Variants in SPTBN1 observed in about 807,000 individuals in gnomAD.
The protein encoded by SPTBN1 is spectrin beta chain, non-erythrocytic 1.
SPTBN1 carries 32 observed loss-of-function variants against 266.4 expected under a neutral mutation model. The observed-to-expected ratio is 0.12, with a 90% CI of 0.09 to 0.16. SPTBN1 has a LOEUF of 0.16. Ranked by LOEUF, SPTBN1 falls within the 10% of genes least tolerant of loss-of-function variation. SPTBN1 has a pLI of 1.00. For synonymous variants in SPTBN1, 1,336 were observed against 1,162.2 expected (o/e 1.15, Z -3.04); for missense variants, 2,296 against 3,067.1 (o/e 0.75, Z 5.94).
intron 1 of SPTBN1, among the ~76,000 whole-genome samples, chr2:54,474,270 A>G (rs1183449697): frequency 1.3e-5 from 2 of 152,200 alleles, no homozygotes; most frequent in Non-Finnish European, 2.9e-5. Flanking sequence ...TAACATTACT[A>G]TGATTTTTTT....
In SPTBN1 at chr2:54,624,848, T is replaced by C; in HGVS notation, c.1227T>C (p.Ala409=). The C allele has an allele frequency of 6.2e-7, 1 of 1,614,158 alleles. No homozygotes were observed. The highest frequency in any genetic ancestry group is 8.5e-7 in the Non-Finnish European group (1 of 1,180,030). ...LEKAEHEREL[A]LRNELIRQEK... ...AAGCGGAACACGAAAGAGAACTGGC[T>C]TTGCGGAATGAGCTCATAAGACAGG... Residue 409 remains alanine (A), a synonymous_variant, in exon 11 of 36, where the codon GCT becomes GCC. Transcript: ENST00000356805.
chr2:54,665,009 G>A lies in SPTBN1; in HGVS notation c.6659+318G>A, dbSNP rs372731514. Among the ~76,000 whole-genome samples, 4 of 152,290 alleles carry A rather than the reference G, an allele frequency of 2.6e-5. No individual in the cohort carries two copies. In the East Asian group the frequency reaches 7.7e-4, roughly 29 times the overall value. On this transcript the variant is annotated intron_variant, in intron 33 of 35. Coordinates refer to ENST00000356805, the MANE Select transcript of SPTBN1 (RefSeq NM_003128.3). The stretch of plus-strand genomic sequence containing the variant: ...TGATTGATTTCATTTAGGACTCCTT[G>A]TGGGTTTTTTGTAAAAAGCCATTAA...
chr2:54,495,663 T>G (rs901020416), intron 1 of SPTBN1, among the ~76,000 whole-genome samples: 7 of 152,160 alleles, frequency 4.6e-5, no homozygotes, highest in African/African-American at 1.7e-4. Context: ...ATTAGAATCA[T>G]AATTTGCATG....
chr2:54,623,773 G>C (rs1380618507), intron 10 of SPTBN1, among the ~76,000 whole-genome samples, 177 bp downstream of exon 10: 1 of 152,180 alleles, frequency 6.6e-6, no homozygotes, highest in African/African-American at 2.4e-5. Flanking sequence ...ATGGTACCGG[G>C]TTAGGCTGCT....
At position 54,496,536 on chromosome 2, in the gene SPTBN1, G is replaced by T. The variant is rs1668981362; in HGVS notation, c.-47-29836G>T. Among the ~76,000 whole-genome samples, 5 of 150,496 alleles carry T rather than the reference G, an allele frequency of 3.3e-5. No homozygotes were observed. The South Asian group carries it at 1.1e-3, about 32-fold the overall frequency. ...ACATATTATTAGAAGCATTTCACAT[G>T]TATTAACTTATTTAGTCATCAAAAC... On this transcript the variant is annotated intron_variant, in intron 1 of 35. Coordinates refer to ENST00000356805, the MANE Select transcript of SPTBN1 (RefSeq NM_003128.3).
At position 54,629,042 on chromosome 2, in the gene SPTBN1, G is replaced by A; in HGVS notation, c.1908G>A (p.Glu636=). The change falls in exon 14 of 36, where the codon GAG becomes GAA. Residue 636 remains glutamate (E), a synonymous_variant. Transcript: ENST00000356805. ...CTGAGCGCAGGGCCCGTCTGGAAGA[G>A]TCCCGCCGCCTCTGGAAGTTCTTCT... ...LAAERRARLE[E]SRRLWKFFWE... The A allele has an allele frequency of 6.2e-7, 1 of 1,613,670 alleles. No homozygotes were observed. The highest frequency in any genetic ancestry group is 1.1e-5 in the South Asian group (1 of 91,088).
rs547305180 is a variant in SPTBN1 at position 54,508,684 on chromosome 2, T to G, written c.-47-17688T>G. ...ATGGGTGGAAGTTTCAGCGAGGGAG[T>G]AGGTGGGAGTGGCCAGATGAGAAGG... On this transcript the variant is annotated intron_variant, in intron 1 of 35. Coordinates refer to ENST00000356805, the MANE Select transcript of SPTBN1 (RefSeq NM_003128.3). Among the ~76,000 whole-genome samples, 17 of 151,512 alleles carry G rather than the reference T, an allele frequency of 1.1e-4. No individual in the cohort carries two copies. In the South Asian group the frequency reaches 3.6e-3, roughly 32 times the overall value.
intron 2 of SPTBN1, among the ~76,000 whole-genome samples, chr2:54,562,968 T>G (rs1673418758): frequency 6.6e-6 from 1 of 152,192 alleles, no homozygotes; most frequent in East Asian, 1.9e-4. Flanking sequence ...GTGCTTACCA[T>G]GTACCAGTCA....
rs1433073794 is a variant in SPTBN1 at position 54,465,637 on chromosome 2, C to CATATATATATATATATATATATATATATA, written c.-48+9119_-48+9120insATATATATATATATATATATATATATATA. Among the ~76,000 whole-genome samples the CATATATATATATATATATATATATATATA allele has an allele frequency of 6.7e-5, 6 of 89,724 alleles. 1 individual carries two copies. Among genetic ancestry groups the CATATATATATATATATATATATATATATA allele is most frequent in the Admixed American group, 1.4e-4 (1 of 7,210 alleles). 58.9% of individuals were successfully genotyped at this position (89,724 alleles called of 152,430 possible). On this transcript the variant is annotated intron_variant, in intron 1 of 35. Transcript: ENST00000356805. ...TATGATGCATACATATCATGTTTAT[C>CATATATATATATATATATATATATATATA]TCATATATATATATATATATATATA...
intron 2 of SPTBN1, among the ~76,000 whole-genome samples, chr2:54,578,951 A>G (rs1200169135): frequency 6.6e-6 from 1 of 152,164 alleles, no homozygotes; most frequent in Non-Finnish European, 1.5e-5. Context: ...TAACACTGCT[A>G]GACTGAAAGG....
rs1667899146 is a variant in SPTBN1 at position 54,477,549 on chromosome 2, A to T, written c.-48+21031A>T. ...AGGACAATTGCTGTTTTATGACAGG[A>T]AACACACTTTTAAAGCTGTCAGTTA... On this transcript the variant is annotated intron_variant, in intron 1 of 35. Transcript: ENST00000356805. Among the ~76,000 whole-genome samples the T allele has an allele frequency of 3.3e-5, 5 of 152,190 alleles. No homozygotes were observed. The South Asian group carries it at 6.2e-4, about 19-fold the overall frequency.
At chr2:54,599,666 T>C (rs1300997735) in intron 3 of SPTBN1, among the ~76,000 whole-genome samples, 1 of 152,224 alleles carries the variant, frequency 6.6e-6, no homozygotes, top group Non-Finnish European at 1.5e-5. Context: ...GTGGCAAGCA[T>C]TGAATTCAGT....
chr2:54,555,118 A>C (rs148479315), intron 2 of SPTBN1, among the ~76,000 whole-genome samples: 2 of 152,260 alleles, frequency 1.3e-5, no homozygotes, highest in East Asian at 3.9e-4. Context: ...TTCATTCTGC[A>C]ACTCCCTGGC....
chr2:54,579,762 A>G (rs544173094), intron 2 of SPTBN1, among the ~76,000 whole-genome samples: 5 of 152,376 alleles, frequency 3.3e-5, no homozygotes, highest in African/African-American at 4.8e-5. Context: ...GTTTTAGCCA[A>G]TGCATTAAGA....
chr2:54,576,989 A>T (rs1674530147), intron 2 of SPTBN1, among the ~76,000 whole-genome samples: 1 of 152,194 alleles, frequency 6.6e-6, no homozygotes, highest in African/African-American at 2.4e-5. Context: ...GGGTGTACAG[A>T]GGGAGTCATG....
At chr2:54,655,288 G>C (rs1196872484) in intron 28 of SPTBN1, 80 bp downstream of exon 28, 1 of 1,545,714 alleles carries the variant, frequency 6.5e-7, no homozygotes, top group African/African-American at 1.4e-5. Flanking sequence ...GTGTGTGTCA[G>C]AGATACTGTG....
intron 2 of SPTBN1, among the ~76,000 whole-genome samples, chr2:54,578,571 A>G (rs1184939042): frequency 6.6e-6 from 1 of 152,172 alleles, no homozygotes; most frequent in Non-Finnish European, 1.5e-5. Flanking sequence ...ACTGTTTCTA[A>G]GAGTTCATCC....
chr2:54,490,786 G>A (rs1378325593), intron 1 of SPTBN1, among the ~76,000 whole-genome samples: 2 of 152,164 alleles, frequency 1.3e-5, no homozygotes, highest in Non-Finnish European at 2.9e-5. Context: ...ATTAGTGTTA[G>A]TTGGAAAGAT....
chr2:54,472,156 T>C (rs10153583), intron 1 of SPTBN1, among the ~76,000 whole-genome samples: 5,313 of 150,452 alleles, frequency 0.035, 134 homozygotes, highest in South Asian at 0.11. Flanking sequence ...GCCTCCTGAG[T>C]AGCTGGGACT....
Sources: allele counts gnomAD v4.1 joint callset (sites outside exome capture counted in the v4.1 genomes callset), GRCh38; gene constraint gnomAD v4.1.1; transcripts MANE v1.5; gene names NCBI Gene and HGNC (gene_info 2026-07-23, HGNC 2026-07-21).